Variants in ANKS6 observed in about 807,000 individuals in gnomAD.
ANKS6 encodes ankyrin repeat and sterile alpha motif domain containing 6, also known as ankyrin repeat and SAM domain-containing protein 6.
In ANKS6, 47 loss-of-function variants were observed where a neutral mutation model predicts 77.9. The ratio of observed to expected loss-of-function variants is 0.60; its 90% CI spans 0.48 to 0.77. The LOEUF is 0.77. ANKS6 is among the 30% of genes least tolerant of loss of function. ANKS6 has a pLI of 0.00. For synonymous variants in ANKS6, 488 were observed against 501.7 expected (o/e 0.97, Z 0.37); for missense variants, 1,150 against 1,159.1 (o/e 0.99, Z 0.11).
rs1833053177 is a variant in ANKS6, at chr9:98,762,171, T to C, written c.2143-5568A>G. ...TTCAATTTCATACATGTTAAATGTA[T>C]TATATTTTTAAAATTTCAAATTAAA... On this transcript the variant is annotated intron_variant, in intron 11 of 14. Coordinates refer to ENST00000353234, the MANE Select transcript of ANKS6 (RefSeq NM_173551.5). Among the ~76,000 whole-genome samples, 3 of 152,336 alleles carry C rather than the reference T, an allele frequency of 2.0e-5. No individual in the cohort carries two copies. In the South Asian group the frequency reaches 6.2e-4, roughly 32 times the overall value.
chr9:98,756,346 A>G (rs1832698074), intron 12 of ANKS6, 74 bp downstream of exon 12: 3 of 1,517,030 alleles, frequency 2.0e-6, no homozygotes. Context: ...AATTAAGGTC[A>G]CCTTGCAGTT....
At chr9:98,789,428 TAA>T (rs11437180) in intron 2 of ANKS6, among the ~76,000 whole-genome samples, 15 of 129,956 alleles carry the variant, frequency 1.2e-4, no homozygotes, top group Middle Eastern at 4.0e-3. Flanking sequence ...GGCAAGAAGT[TAA>T]AAAAAAAAAA....
At chr9:98,762,211 C>A (rs1021858103) in intron 11 of ANKS6, among the ~76,000 whole-genome samples, 5 of 152,202 alleles carry the variant, frequency 3.3e-5, no homozygotes, top group Middle Eastern at 3.4e-3. Flanking sequence ...TTCTAAATGT[C>A]CTAATGCTAA....
intron 6 of ANKS6, among the ~76,000 whole-genome samples, chr9:98,779,952 G>A (rs534602884): frequency 9.2e-5 from 14 of 152,068 alleles, no homozygotes; most frequent in South Asian, 4.2e-4. Flanking sequence ...GTGAGCCACC[G>A]TGCCCGGCCG....
At chr9:98,792,587 C>G (rs10125255) in intron 1 of ANKS6, among the ~76,000 whole-genome samples, 146,271 of 152,314 alleles carry the variant, frequency 0.96, 70,482 homozygotes, top group African/African-American at 0.99. Flanking sequence ...CACTGTAGTA[C>G]ATTTCTAAAA....
At chr9:98,794,849 C>T (rs1231650729) in intron 1 of ANKS6, among the ~76,000 whole-genome samples, 6 of 152,162 alleles carry the variant, frequency 3.9e-5, no homozygotes, top group African/African-American at 1.4e-4. Flanking sequence ...GTCCCTGTCT[C>T]TTACTCCCCT....
chr9:98,774,918 T>C (rs1034269347), intron 8 of ANKS6, among the ~76,000 whole-genome samples: 1 of 152,166 alleles, frequency 6.6e-6, no homozygotes, highest in Non-Finnish European at 1.5e-5. Context: ...ATCTCCACAC[T>C]GATGGCTGCA....
chr9:98,732,647 G>A lies in ANKS6; in HGVS notation c.*3872C>T, dbSNP rs572383245. The A allele has an allele frequency of 5.2e-5, 79 of 1,533,042 alleles. No individual in the cohort carries two copies. In the African/African-American group the frequency reaches 8.1e-4, roughly 16 times the overall value. The allele number at this position is 1,533,042 out of a possible 1,614,324, so 95.0% of individuals were successfully genotyped here. ...CTTTGAGGTTTCCCACATCTGCACC[G>A]CTCCACAGTGTGAAAAGGGCTTTCT... On this transcript the variant is annotated 3_prime_UTR_variant, in exon 15 of 15. Transcript: ENST00000353234.
intron 1 of ANKS6, among the ~76,000 whole-genome samples, chr9:98,792,776 CGTGATAGA>C (rs1280455804): frequency 2.0e-5 from 3 of 152,066 alleles, no homozygotes; most frequent in African/African-American, 7.2e-5. Flanking sequence ...TCAATTTGAA[CGTGATAGA>C]GTCAAAAGTT....
intron 14 of ANKS6, among the ~76,000 whole-genome samples, chr9:98,742,512 C>T (rs982583544): frequency 6.6e-6 from 1 of 152,240 alleles, no homozygotes; most frequent in Non-Finnish European, 1.5e-5. Flanking sequence ...CATGATGATA[C>T]ATGGTCTTCA....
chr9:98,735,710 A>G lies in ANKS6; in HGVS notation c.*809T>C, dbSNP rs1831460065. On this transcript the variant is annotated 3_prime_UTR_variant, in exon 15 of 15. Coordinates refer to ENST00000353234, the MANE Select transcript of ANKS6 (RefSeq NM_173551.5). ...TCCACTTTGCAGATAAGGAAACTGA[A>G]AGCTAGGAAGAAGAAGGGATCCACA... is the stretch of plus-strand genomic sequence containing the variant. The G allele has an allele frequency of 8.1e-7, 1 of 1,231,322 alleles. No homozygotes were observed. The highest frequency in any genetic ancestry group is 1.6e-5 in the African/African-American group (1 of 64,288). The allele number at this position is 1,231,322 out of a possible 1,614,324, so 76.3% of individuals were successfully genotyped here. A position where few individuals can be genotyped will look rare whatever the true frequency, so the allele number is the denominator to read the frequency against.
Position 98,778,407 on chromosome 9 carries a change from C to T in ANKS6, c.1386G>A (p.Met462Ile), listed in dbSNP as rs1834039256. Reference protein sequence around the residue: ...KGGLKSWWNRMSNRFRKLKLM... With the variant: ...KGGLKSWWNRISNRFRKLKLM... Reference sequence around the variant, plus strand: ...GTTTGAGCTTTCGGAACCGATTGGACATTCGGTTCCACCAGGACTGCCAAA... The same window carrying T: ...GTTTGAGCTTTCGGAACCGATTGGATATTCGGTTCCACCAGGACTGCCAAA... The change falls in exon 7 of 15, where the codon ATG becomes ATA. Residue 462 changes from methionine to isoleucine, a missense_variant. Transcript: ENST00000353234. 3 of 1,614,016 alleles carry T rather than the reference C, an allele frequency of 1.9e-6. No homozygotes were observed. In the East Asian group the frequency reaches 6.7e-5, roughly 36 times the overall value.
At chr9:98,743,311 C>T (rs1831943319) in intron 14 of ANKS6, among the ~76,000 whole-genome samples, 1 of 151,836 alleles carries the variant, frequency 6.6e-6, no homozygotes, top group Non-Finnish European at 1.5e-5. Context: ...TCCCCAAAGC[C>T]CTTTCCCTTA....
intron 11 of ANKS6, among the ~76,000 whole-genome samples, chr9:98,758,646 G>A (rs1323840553): frequency 2.6e-5 from 4 of 152,174 alleles, no homozygotes; most frequent in Non-Finnish European, 5.9e-5. Context: ...AACTCTCTGT[G>A]TATTTAAAAG....
Position 98,734,884 on chromosome 9 carries a change from GA to G in ANKS6, c.*1634del. On this transcript the variant is annotated 3_prime_UTR_variant, in exon 15 of 15. Transcript: ENST00000353234. ...GAAACACTTTGTCTTCAGTCCTGTG[GA>G]AAGTTGGCTTCTGTGAGTGTAAGGC... 1.0e-6 allele frequency: 1 copy of G among 985,448 alleles called. No individual in the cohort carries two copies. Among genetic ancestry groups the G allele is most frequent in the Non-Finnish European group, 1.2e-6 (1 of 829,938 alleles). The allele number at this position is 985,448 out of a possible 1,614,324, so 61.0% of individuals were successfully genotyped here. A position where few individuals can be genotyped will look rare whatever the true frequency, so the allele number is the denominator to read the frequency against.
Position 98,751,077 on chromosome 9 carries a change from A to G in ANKS6, c.2346T>C (p.Leu782=), listed in dbSNP as rs548529668. 1.2e-6 allele frequency: 2 copies of G among 1,610,774 alleles called. No individual in the cohort carries two copies. The highest frequency in any genetic ancestry group is 1.1e-5 in the South Asian group (1 of 89,816). ...GATATTTCTCAAGTGATAATTTCTT[A>G]AGGATTCCAGTCAGTTCATCTTCAA... ...ITDEDELTGI[L]KKLSLEKYQP... The change falls in exon 13 of 15, where the codon CTT becomes CTC. Residue 782 remains leucine, a synonymous_variant. Transcript: ENST00000353234.
At chr9:98,790,005 T>C (rs1834803224) in intron 2 of ANKS6, 99 bp downstream of exon 2, 4 of 1,467,320 alleles carry the variant, frequency 2.7e-6, no homozygotes, top group East Asian at 2.3e-5. Flanking sequence ...GGCTGGACTC[T>C]GAGTTCTGCG....
rs746722133 is a variant in ANKS6 at position 98,784,178 on chromosome 9, C to T, written c.908-21G>A. 6.0e-6 allele frequency: 9 copies of T among 1,506,142 alleles called. No individual in the cohort carries two copies. In the Admixed American group the frequency reaches 1.0e-4, roughly 17 times the overall value. 93.3% of individuals were successfully genotyped at this position (1,506,142 alleles called of 1,614,324 possible). ...GTTTCCTGCAAACACAAGCAGGAGT[C>T]CGGGTGAACTGTGGGCCTGGTACCA... On this transcript the variant is annotated intron_variant, in intron 3 of 14. Transcript: ENST00000353234.
At chr9:98,736,710 A>G (rs954553136) in intron 14 of ANKS6, 87 bp from the exon 15 acceptor site, 4 of 1,473,420 alleles carry the variant, frequency 2.7e-6, no homozygotes, top group South Asian at 2.4e-5. Context: ...TTAATGTTCA[A>G]CTCATACTTC....
Sources: gnomAD v4.1 joint callset for allele counts (sites outside exome capture counted in the v4.1 genomes callset) on GRCh38, gnomAD v4.1.1 for gene constraint, MANE v1.5 for transcripts, NCBI Gene and HGNC (gene_info 2026-07-23, HGNC 2026-07-21) for gene names.